CEP120: variants seen among roughly 807,000 people sequenced by gnomAD.
CEP120 encodes centrosomal protein of 120 kDa.
CEP120 carries 113 observed loss-of-function variants against 126.5 expected under a neutral mutation model. The ratio of observed to expected loss-of-function variants is 0.89; its 90% confidence interval spans 0.77 to 1.04. CEP120 has a LOEUF of 1.04. CEP120 is among the 50% of genes least tolerant of loss of function. The pLI is 0.00. For missense variants in CEP120, 1,230 were observed against 1,155.7 expected (o/e 1.06, Z -0.93); for synonymous variants, 400 against 394.3 (o/e 1.01, Z -0.17).
At chr5:123,394,039 A>G (rs140669394) in intron 5 of CEP120, among the ~76,000 whole-genome samples, 13 of 152,350 alleles carry the variant, frequency 8.5e-5, no homozygotes, top group Non-Finnish European at 1.3e-4. Context: ...GTTACTTTTC[A>G]GAGTTGCTAG....
intron 11 of CEP120, 94 bp downstream of exon 11, chr5:123,384,857 A>G: frequency 2.8e-6 from 3 of 1,062,864 alleles, no homozygotes; most frequent in Non-Finnish European, 4.1e-6. Context: ...ATCAGAAAAA[A>G]GAGGTTATGG....
chr5:123,418,124 G>A (rs955924542), intron 2 of CEP120, among the ~76,000 whole-genome samples: 8 of 152,210 alleles, frequency 5.3e-5, no homozygotes, highest in Non-Finnish European at 7.4e-5. Context: ...TTCATTTTAT[G>A]AAAATTTATT....
rs781056063 is a variant in CEP120, at chr5:123,382,759, T to C, written c.1991A>G (p.Gln664Arg). 6.2e-7 allele frequency: 1 copy of C among 1,612,440 alleles called. No homozygotes were observed. Among genetic ancestry groups the C allele is most frequent in the Non-Finnish European group, 8.5e-7 (1 of 1,179,344 alleles). Residue 664 changes from glutamine to arginine, a missense_variant, in exon 13 of 20, where the codon CAA (glutamine) becomes CGA (arginine). Coordinates refer to ENST00000306467, the MANE Select transcript of CEP120 (RefSeq NM_001375405.1). The part of the protein sequence containing the change: ...ALELEMWKEM[Q>R]EDIFENQLKQ... ...AACCTGATTTTCAAATATATCTTCT[T>C]GCATCTCCTTCCACATTTCTAGCTC...
intron 4 of CEP120, among the ~76,000 whole-genome samples, chr5:123,409,536 C>A (rs1338354094): frequency 3.9e-5 from 6 of 152,156 alleles, no homozygotes; most frequent in Admixed American, 1.3e-4. Context: ...ATACTTAGAG[C>A]CTTACTAATG....
intron 5 of CEP120, among the ~76,000 whole-genome samples, chr5:123,395,855 T>G (rs977389504): frequency 2.0e-5 from 3 of 151,926 alleles, no homozygotes; most frequent in African/African-American, 7.3e-5. Flanking sequence ...CTAATTTTTT[T>G]GTATTTTTAG....
rs182828790 is a variant in CEP120 at position 123,396,020 on chromosome 5, G to A, written c.613-2523C>T. Among the ~76,000 whole-genome samples the A allele has an allele frequency of 1.3e-4, 19 of 148,240 alleles. 1 individual carries two copies. The East Asian group carries it at 3.7e-3, about 29-fold the overall frequency. On this transcript the variant is annotated intron_variant, in intron 5 of 19. Coordinates refer to ENST00000306467, the MANE Select transcript of CEP120 (RefSeq NM_001375405.1). ...TTTTTTTTTTTTTTACTATAAAGATGGAGGTCTCGCTATGTTGCCCTGGCT... is the reference window on the plus strand; with the variant it reads ...TTTTTTTTTTTTTTACTATAAAGATAGAGGTCTCGCTATGTTGCCCTGGCT...
chr5:123,358,409 A>G (rs570066468), intron 18 of CEP120: 1 of 152,226 alleles, frequency 6.6e-6, no homozygotes, highest in East Asian at 1.9e-4. Context: ...AAAGAAAAAC[A>G]TATCTGGACA....
At chr5:123,404,649 A>G (rs1309890943) in intron 4 of CEP120, among the ~76,000 whole-genome samples, 1 of 152,246 alleles carries the variant, frequency 6.6e-6, no homozygotes, top group East Asian at 1.9e-4. Flanking sequence ...TATCTTCTCA[A>G]TTCAAAAGGT....
chr5:123,420,371 A>G (rs370317118), intron 1 of CEP120, among the ~76,000 whole-genome samples: 6 of 152,350 alleles, frequency 3.9e-5, no homozygotes, highest in East Asian at 3.9e-4. Flanking sequence ...GGAATCTAGT[A>G]CATAGCCCAA....
chr5:123,374,191 A>T (rs959417130), intron 16 of CEP120, among the ~76,000 whole-genome samples: 1 of 152,006 alleles, frequency 6.6e-6, no homozygotes. Flanking sequence ...ATTTGGTTCA[A>T]TTCCTTCATA....
chr5:123,409,521 ACAT>A (rs1773900203), intron 4 of CEP120, among the ~76,000 whole-genome samples: 1 of 152,228 alleles, frequency 6.6e-6, no homozygotes, highest in Non-Finnish European at 1.5e-5. Flanking sequence ...CTCCTTTTCA[ACAT>A]CATACTTAGA....
intron 10 of CEP120, 29 bp from the exon 11 acceptor site, chr5:123,385,162 C>A: frequency 1.3e-6 from 2 of 1,532,034 alleles, no homozygotes; most frequent in Non-Finnish European, 1.8e-6. Context: ...TGTGTTCATA[C>A]CTATCAACTC....
At chr5:123,350,903 G>T (rs74472836) in intron 18 of CEP120, among the ~76,000 whole-genome samples, 3,568 of 152,202 alleles carry the variant, frequency 0.023, 138 homozygotes, top group African/African-American at 0.081. Flanking sequence ...CTCAATAACA[G>T]ACACTTTTGC....
At chr5:123,402,224 T>C (rs534546946) in intron 4 of CEP120, 13 of 1,531,016 alleles carry the variant, frequency 8.5e-6, no homozygotes, top group South Asian at 3.5e-5. Flanking sequence ...TGCTGCCCAC[T>C]TGGGAGAAGC....
At chr5:123,398,011 G>A (rs1039624867) in intron 5 of CEP120, among the ~76,000 whole-genome samples, 1 of 152,122 alleles carries the variant, frequency 6.6e-6, no homozygotes, top group Non-Finnish European at 1.5e-5. Context: ...CTGACTCTTG[G>A]AGCTTGAGGC....
rs200418811 is a variant in CEP120 at position 123,364,490 on chromosome 5, A to C, written c.2580+6T>G. ...ATATAAAAAGAATAAGCTATAAACT[A>C]CATACCTGTTTAAGTCTGGCAAGTT... On this transcript the variant is annotated splice_donor_region_variant and intron_variant, in intron 18 of 19. Coordinates refer to ENST00000306467, the MANE Select transcript of CEP120 (RefSeq NM_001375405.1). 1.0e-4 allele frequency: 158 copies of C among 1,584,404 alleles called. No homozygotes were observed. The African/African-American group carries it at 1.5e-3, about 15-fold the overall frequency.
rs923481990 is a variant in CEP120 at position 123,345,694 on chromosome 5, T to C, written c.*825A>G. 1 of 152,174 alleles carries C rather than the reference T, an allele frequency of 6.6e-6. No individual in the cohort carries two copies. Among genetic ancestry groups the C allele is most frequent in the African/African-American group, 2.4e-5 (1 of 41,458 alleles). The allele number at this position is 152,174 out of a possible 1,614,324, so 9.4% of individuals were successfully genotyped here. ...AGCGGGAGTAAAAAATAGTTGATTTTCACTCTATTTTTTCAGCTAATGTCT... is the reference window on the plus strand; with the variant it reads ...AGCGGGAGTAAAAAATAGTTGATTTCCACTCTATTTTTTCAGCTAATGTCT... On this transcript the variant is annotated 3_prime_UTR_variant, in exon 20 of 20. Transcript: ENST00000306467.
chr5:123,412,812 A>G (rs1354804414), intron 3 of CEP120, among the ~76,000 whole-genome samples: 2 of 152,222 alleles, frequency 1.3e-5, no homozygotes, highest in African/African-American at 4.8e-5. Flanking sequence ...AAAGCATAAT[A>G]TATTTCTTTC....
At position 123,391,200 on chromosome 5, in the gene CEP120, T is replaced by C; in HGVS notation, c.948A>G (p.Arg316=). Residue 316 remains arginine (R), a synonymous_variant, in exon 7 of 20, where the codon AGA becomes AGG. Coordinates refer to ENST00000306467, the MANE Select transcript of CEP120 (RefSeq NM_001375405.1). ...EGAFTLDPPN[R]AKQKLAPIPV... The stretch of plus-strand genomic sequence containing the variant: ...GAATAGGTGCAAGCTTCTGTTTGGC[T>C]CTGTTTGGAGGGTCAAGGGTAAAAG... 1 of 1,614,144 alleles carries C rather than the reference T, an allele frequency of 6.2e-7. No individual in the cohort carries two copies. Among genetic ancestry groups the C allele is most frequent in the Non-Finnish European group, 8.5e-7 (1 of 1,180,028 alleles).
Sources: gnomAD v4.1 joint callset for allele counts (sites outside exome capture counted in the v4.1 genomes callset) on GRCh38, gnomAD v4.1.1 for gene constraint, MANE v1.5 for transcripts, NCBI Gene and HGNC (gene_info 2026-07-23, HGNC 2026-07-21) for gene names.